Variants in RIMS3 observed in about 807,000 individuals in gnomAD.
The protein encoded by RIMS3 is regulating synaptic membrane exocytosis protein 3.
RIMS3 carries 15 observed loss-of-function variants against 29.2 expected under a neutral mutation model. The observed-to-expected ratio is 0.51, with a 90% CI of 0.34 to 0.79. The LOEUF is 0.79. Ranked by LOEUF, RIMS3 falls within the 30% of genes least tolerant of loss-of-function variation. RIMS3 has a pLI of 0.01. For synonymous variants in RIMS3, 161 were observed against 170.1 expected, an observed-to-expected ratio of 0.95 and a Z score of 0.41; for missense variants, 342 against 421.4, an observed-to-expected ratio of 0.81 and a Z score of 1.65.
At chr1:40,630,834 G>C (rs1311750245) in intron 5 of RIMS3, among the ~76,000 whole-genome samples, 4 of 152,220 alleles carry the variant, frequency 2.6e-5, no homozygotes, top group African/African-American at 9.6e-5. Context: ...AGACCCTTAA[G>C]AGACTGAAAA....
chr1:40,688,291 AC>A, the RIMS3 span, among the ~76,000 whole-genome samples: 1 of 152,166 alleles, frequency 6.6e-6, no homozygotes, highest in African/African-American at 2.4e-5. Context: ...GGCCAAAGGT[AC>A]ACAATGAGAT....
At chr1:40,639,671 C>G (rs561071065) in intron 3 of RIMS3, among the ~76,000 whole-genome samples, 44 of 152,104 alleles carry the variant, frequency 2.9e-4, no homozygotes, top group Non-Finnish European at 5.3e-4. Context: ...CTTAGTCACC[C>G]GGCTAGTAAA....
chr1:40,631,012 C>T (rs1039041470), intron 5 of RIMS3, among the ~76,000 whole-genome samples: 11 of 152,146 alleles, frequency 7.2e-5, no homozygotes, highest in African/African-American at 2.7e-4. Flanking sequence ...GAGTGGAACC[C>T]CAGCTCCACT....
rs1037612298 is a variant in RIMS3, at chr1:40,640,531, C to T, written c.217+1178G>A. Among the ~76,000 whole-genome samples the T allele has an allele frequency of 2.0e-5, 3 of 152,154 alleles. No individual in the cohort carries two copies. In the South Asian group the frequency reaches 6.2e-4, roughly 32 times the overall value. On this transcript the variant is annotated intron_variant, in intron 3 of 7. Coordinates refer to ENST00000372684, the MANE Select transcript of RIMS3 (RefSeq NM_014747.3). ...CTCCCTGGATCCTCCGGAGCCCCCGCCCCCTCACCATCCCATCCAGCTGCC... is the reference window on the plus strand; with the variant it reads ...CTCCCTGGATCCTCCGGAGCCCCCGTCCCCTCACCATCCCATCCAGCTGCC...
At chr1:40,677,684 C>T in the RIMS3 span, among the ~76,000 whole-genome samples, 3 of 150,656 alleles carry the variant, frequency 2.0e-5, no homozygotes, top group Non-Finnish European at 3.0e-5. Flanking sequence ...GGTGACAGAG[C>T]GAGATTACAT....
intron 1 of RIMS3, among the ~76,000 whole-genome samples, chr1:40,661,594 C>A (rs1642352911): frequency 6.6e-6 from 1 of 152,214 alleles, no homozygotes; most frequent in African/African-American, 2.4e-5. Context: ...AGCCCTGGGC[C>A]CGGCCCAGAG....
At chr1:40,691,599 C>A in the RIMS3 span, 8 of 362,548 alleles carry the variant, frequency 2.2e-5, no homozygotes, top group Admixed American at 1.3e-4. Flanking sequence ...TCTGTCGTCG[C>A]CCCTTCCCAA....
intron 1 of RIMS3, among the ~76,000 whole-genome samples, chr1:40,657,061 C>T (rs982601593): frequency 2.0e-5 from 3 of 152,208 alleles, no homozygotes; most frequent in African/African-American, 4.8e-5. Flanking sequence ...TTGGTCCTTT[C>T]CTATTCACAA....
the RIMS3 span, chr1:40,681,675 A>G: frequency 6.6e-6 from 1 of 152,226 alleles, no homozygotes; most frequent in African/African-American, 2.4e-5. Context: ...CCCAGGCCAT[A>G]TACAAAACCT....
intron 1 of RIMS3, among the ~76,000 whole-genome samples, chr1:40,658,714 A>C (rs1174073809): frequency 6.6e-6 from 1 of 152,252 alleles, no homozygotes; most frequent in African/African-American, 2.4e-5. Flanking sequence ...GAAAAGGCAG[A>C]GATATCCAGT....
the RIMS3 span, among the ~76,000 whole-genome samples, chr1:40,677,275 G>A: frequency 6.6e-6 from 1 of 151,720 alleles, no homozygotes; most frequent in Non-Finnish European, 1.5e-5. Flanking sequence ...AGAGTGCTGG[G>A]ATTACAGGTG....
At chr1:40,690,934 T>C in the RIMS3 span, 1 of 152,240 alleles carries the variant, frequency 6.6e-6, no homozygotes, top group African/African-American at 2.4e-5. Flanking sequence ...TTTGAAGTTA[T>C]TCGGATGGGG....
chr1:40,655,928 G>A (rs999373524), intron 1 of RIMS3, among the ~76,000 whole-genome samples: 97 of 152,286 alleles, frequency 6.4e-4, no homozygotes, highest in African/African-American at 2.0e-3. Flanking sequence ...TAGGAGAATC[G>A]CTTGAACCCA....
chr1:40,642,677 C>T (rs1646566278), intron 2 of RIMS3, among the ~76,000 whole-genome samples: 1 of 152,068 alleles, frequency 6.6e-6, no homozygotes, highest in Admixed American at 6.6e-5. Flanking sequence ...ATATCATGGT[C>T]GGGCACAGTG....
Position 40,641,848 on chromosome 1 carries a change from T to G in RIMS3, c.78A>C (p.Glu26Asp). 4 of 1,613,460 alleles carry G rather than the reference T, an allele frequency of 2.5e-6. No individual in the cohort carries two copies. Among genetic ancestry groups the G allele is most frequent in the Non-Finnish European group, 3.4e-6 (4 of 1,179,404 alleles). Residue 26 changes from glutamate to aspartate, a missense_variant, in exon 3 of 8, where the codon GAA (glutamate) becomes GAC (aspartate). By Grantham distance (45) the Glu-to-Asp change is conservative (BLOSUM62 2). Transcript: ENST00000372684. ...CCCCGGCTTGCTGGGATCCGCAGAT[T>G]TCACCGCTAATGCTGGAGCTCCGCA... The part of the protein sequence containing the change: ...NVVRSSSISG[E>D]ICGSQQAGGG...
rs920162633 is a variant in RIMS3, at chr1:40,641,914, C to G, written c.12G>C (p.Gly4=). Residue 4 remains glycine (G), a synonymous_variant, in exon 3 of 8, where the codon GGG becomes GGC. Transcript: ENST00000372684. MFN[G]EPGPASSGAS... ...CCCCAGATGAGGCAGGACCTGGCTCCCCGTTAAACATGGTCCCCGGGGTGG... is the reference window on the plus strand; with the variant it reads ...CCCCAGATGAGGCAGGACCTGGCTCGCCGTTAAACATGGTCCCCGGGGTGG... The G allele has an allele frequency of 6.2e-6, 10 of 1,613,576 alleles. No homozygotes were observed. Among genetic ancestry groups the G allele is most frequent in the Non-Finnish European group, 6.8e-6 (8 of 1,179,678 alleles).
chr1:40,663,526 T>C (rs1285230662), intron 1 of RIMS3, among the ~76,000 whole-genome samples: 3 of 152,042 alleles, frequency 2.0e-5, no homozygotes, highest in Non-Finnish European at 4.4e-5. Context: ...CAGATAATTG[T>C]TTTCTTCCCT....
intron 7 of RIMS3, among the ~76,000 whole-genome samples, chr1:40,627,978 A>G (rs904404221): frequency 1.3e-5 from 2 of 152,124 alleles, no homozygotes; most frequent in African/African-American, 4.8e-5. Flanking sequence ...GCCCTAGATG[A>G]GAAGTTGGAT....
At chr1:40,627,768 A>AT (rs11315244) in intron 7 of RIMS3, among the ~76,000 whole-genome samples, 40,576 of 148,632 alleles carry the variant, frequency 0.27, 6,026 homozygotes, top group Middle Eastern at 0.36. Context: ...TGACCAGATA[A>AT]TTTTTTTTTT....
Sources: gnomAD v4.1 joint callset for allele counts (sites outside exome capture counted in the v4.1 genomes callset) on GRCh38, gnomAD v4.1.1 for gene constraint, MANE v1.5 for transcripts, NCBI Gene and HGNC (gene_info 2026-07-23, HGNC 2026-07-21) for gene names.